FNDC3A: variants seen among roughly 807,000 people sequenced by gnomAD.
The protein encoded by FNDC3A is fibronectin type-III domain-containing protein 3A.
Under a neutral mutation model 148.9 loss-of-function variants are expected in FNDC3A, and 32 were observed. The ratio of observed to expected loss-of-function variants is 0.21; its 90% CI spans 0.16 to 0.29. FNDC3A has a LOEUF of 0.29. FNDC3A is among the 10% of genes least tolerant of loss of function. FNDC3A has a pLI of 1.00. For synonymous variants in FNDC3A, 472 were observed against 473.6 expected, an observed-to-expected ratio of 1.00 and a Z score of 0.04; for missense variants, 1,191 against 1,452.8, an observed-to-expected ratio of 0.82 and a Z score of 2.93.
chr13:49,128,418 G>A (rs952649666), intron 4 of FNDC3A, among the ~76,000 whole-genome samples: 2 of 152,134 alleles, frequency 1.3e-5, no homozygotes, highest in African/African-American at 4.8e-5. Flanking sequence ...TTGAGGTGGG[G>A]TGATGTTTTT....
intron 2 of FNDC3A, among the ~76,000 whole-genome samples, chr13:49,065,074 T>C (rs144403564): frequency 1.2e-3 from 180 of 152,296 alleles, no homozygotes; most frequent in African/African-American, 4.0e-3. Flanking sequence ...TCAGCAAACA[T>C]TTATTTGCTC....
intron 8 of FNDC3A, among the ~76,000 whole-genome samples, chr13:49,153,445 A>C (rs979185629): frequency 6.6e-5 from 10 of 152,092 alleles, no homozygotes; most frequent in Middle Eastern, 3.4e-3. Flanking sequence ...TAGGTTGCAA[A>C]AATTTTCTCC....
At chr13:49,057,982 T>C (rs1002354083) in intron 2 of FNDC3A, among the ~76,000 whole-genome samples, 22 of 152,082 alleles carry the variant, frequency 1.4e-4, no homozygotes, top group African/African-American at 5.3e-4. Flanking sequence ...TACCTCAGAC[T>C]GTGCCTAAGT....
intron 3 of FNDC3A, among the ~76,000 whole-genome samples, chr13:49,091,104 A>G (rs1169613321): frequency 1.3e-5 from 2 of 152,206 alleles, no homozygotes; most frequent in African/African-American, 4.8e-5. Context: ...GCAAAGAGAT[A>G]GTCTACAACA....
In FNDC3A at chr13:49,206,771, T is replaced by A. The variant is rs148704638; in HGVS notation, c.3283-310T>A. Among the ~76,000 whole-genome samples the A allele has an allele frequency of 2.3e-3, 343 of 152,348 alleles. 1 individual carries two copies. The highest frequency in any genetic ancestry group is 7.9e-3 in the African/African-American group (330 of 41,576). The stretch of plus-strand genomic sequence containing the variant: ...GCATTGAAAAATGACTTCTTACATT[T>A]GAGAAAAGCAAGAAAATGCTTGAGG... On this transcript the variant is annotated intron_variant, in intron 25 of 25. Coordinates refer to ENST00000492622, the MANE Select transcript of FNDC3A (RefSeq NM_001079673.2).
chr13:49,038,158 G>A (rs1052185077), intron 2 of FNDC3A, among the ~76,000 whole-genome samples: 2 of 152,136 alleles, frequency 1.3e-5, no homozygotes, highest in African/African-American at 4.8e-5. Flanking sequence ...ACGTTCTGCC[G>A]TTTGTCTGCT....
intron 3 of FNDC3A, among the ~76,000 whole-genome samples, chr13:49,087,889 G>C (rs766110973): frequency 7.2e-5 from 11 of 151,928 alleles, no homozygotes; most frequent in Non-Finnish European, 1.3e-4. Flanking sequence ...AAAAATAGTT[G>C]TTATATTCTA....
intron 4 of FNDC3A, among the ~76,000 whole-genome samples, chr13:49,129,427 C>T (rs1269272614): frequency 6.6e-6 from 1 of 152,112 alleles, no homozygotes. Context: ...GAAATGGCTC[C>T]GTTTTTTAAG....
intron 2 of FNDC3A, among the ~76,000 whole-genome samples, chr13:49,015,081 G>A (rs1372760852): frequency 2.0e-5 from 3 of 152,194 alleles, no homozygotes; most frequent in Non-Finnish European, 4.4e-5. Context: ...TGGCGATGCG[G>A]TCTCTTTTTA....
intron 3 of FNDC3A, among the ~76,000 whole-genome samples, chr13:49,094,774 T>TC (rs1879416893): frequency 6.6e-6 from 1 of 151,996 alleles, no homozygotes; most frequent in Admixed American, 6.6e-5. Context: ...AGAAAATACT[T>TC]CCAAGAGGAC....
chr13:49,146,392 G>A (rs1882994864), intron 8 of FNDC3A: 2 of 153,710 alleles, frequency 1.3e-5, no homozygotes, highest in Non-Finnish European at 2.9e-5. Flanking sequence ...ATGTTAGTAT[G>A]TTTATAGTCA....
chr13:49,028,208 CTG>C (rs1387935815), intron 2 of FNDC3A, among the ~76,000 whole-genome samples: 1 of 151,222 alleles, frequency 6.6e-6, no homozygotes, highest in Non-Finnish European at 1.5e-5. Context: ...GAGTGAGACT[CTG>C]TCTTAAAAAA....
intron 2 of FNDC3A, among the ~76,000 whole-genome samples, chr13:49,056,002 C>G (rs891618288): frequency 6.6e-6 from 1 of 152,022 alleles, no homozygotes; most frequent in African/African-American, 2.4e-5. Context: ...GCCCAGGCAG[C>G]ATGGCAAGAC....
rs183068371 is a variant in FNDC3A, at chr13:49,126,001, T to C, written c.253-5136T>C. ...TATGAACACTGACAAATTTGAATTA[T>C]ATTTTATCTTTTTTTTCCTTTTCAC... On this transcript the variant is annotated intron_variant, in intron 4 of 25. Transcript: ENST00000492622. Among the ~76,000 whole-genome samples the C allele has an allele frequency of 5.3e-3, 807 of 152,348 alleles. 7 individuals are homozygous for C. The highest frequency in any genetic ancestry group is 0.019 in the African/African-American group (771 of 41,580).
chr13:48,987,477 G>A (rs929302769), intron 1 of FNDC3A, among the ~76,000 whole-genome samples: 1 of 152,164 alleles, frequency 6.6e-6, no homozygotes, highest in Non-Finnish European at 1.5e-5. Flanking sequence ...AATGGGGGCT[G>A]TATCTCCTAA....
At chr13:49,168,779 A>G in intron 10 of FNDC3A, 28 bp downstream of exon 10, 2 of 1,603,086 alleles carry the variant, frequency 1.2e-6, no homozygotes, top group African/African-American at 1.3e-5. Context: ...GGTGTTTCCA[A>G]CTGGACATGT....
chr13:49,048,712 T>C (rs1253487810), intron 2 of FNDC3A, among the ~76,000 whole-genome samples: 1 of 152,214 alleles, frequency 6.6e-6, no homozygotes, highest in East Asian at 1.9e-4. Flanking sequence ...CTAGGAGCTT[T>C]TTGGATGAGT....
intron 3 of FNDC3A, among the ~76,000 whole-genome samples, chr13:49,086,020 T>G (rs1355088129): frequency 6.6e-6 from 1 of 152,126 alleles, no homozygotes; most frequent in Non-Finnish European, 1.5e-5. Flanking sequence ...GTAGCTGGGA[T>G]TACAGGCACT....
intron 1 of FNDC3A, among the ~76,000 whole-genome samples, chr13:48,982,723 A>G (rs1020276985): frequency 6.6e-6 from 1 of 152,188 alleles, no homozygotes; most frequent in African/African-American, 2.4e-5. Flanking sequence ...CTATTGTGTC[A>G]TCATTTCTTA....
Sources: gnomAD v4.1 joint callset for allele counts (sites outside exome capture counted in the v4.1 genomes callset) on GRCh38, gnomAD v4.1.1 for gene constraint, MANE v1.5 for transcripts, NCBI Gene and HGNC (gene_info 2026-07-23, HGNC 2026-07-21) for gene names.